The following TRIQK variants were observed in gnomAD, a reference collection of about 807,000 sequenced individuals.
TRIQK encodes the protein triple QxxK/R motif-containing protein.
A neutral mutation model predicts 10.8 loss-of-function variants in TRIQK; 10 were observed. The observed-to-expected ratio is 0.92, with a 90% CI of 0.57 to 1.57. The LOEUF is 1.57. TRIQK is among the 40% of genes most tolerant of loss of function. TRIQK has a pLI of 0.00. For missense variants in TRIQK, 107 were observed against 97.7 expected, an observed-to-expected ratio of 1.09 and a Z score of -0.40; for synonymous variants, 33 against 33.7, an observed-to-expected ratio of 0.98 and a Z score of 0.07.
intron 3 of TRIQK, among the ~76,000 whole-genome samples, chr8:92,892,404 G>A (rs1272778752): frequency 6.6e-6 from 1 of 151,904 alleles, no homozygotes. Context: ...AAGTAAATGA[G>A]TATATGTAAG....
At chr8:92,926,002 C>T (rs1472507338) in intron 2 of TRIQK, among the ~76,000 whole-genome samples, 2 of 151,956 alleles carry the variant, frequency 1.3e-5, no homozygotes, top group African/African-American at 2.4e-5. Context: ...ATGGTGTGAA[C>T]CCGGGAGGCA....
chr8:92,911,239 A>G (rs1469520337), intron 3 of TRIQK, among the ~76,000 whole-genome samples: 1 of 151,410 alleles, frequency 6.6e-6, no homozygotes, highest in East Asian at 1.9e-4. Flanking sequence ...AAAAAAACTA[A>G]TAATAGATAC....
upstream of TRIQK, among the ~76,000 whole-genome samples, chr8:92,967,566 A>C (rs1016761595): frequency 2.0e-5 from 3 of 152,128 alleles, no homozygotes; most frequent in Non-Finnish European, 4.4e-5. Flanking sequence ...TCATGCCTGT[A>C]ATCCCAGCAC....
At chr8:92,904,892 T>A (rs1809167535) in intron 3 of TRIQK, among the ~76,000 whole-genome samples, 1 of 152,102 alleles carries the variant, frequency 6.6e-6, no homozygotes. Context: ...TTTATGGAGG[T>A]CTGCATGTTG....
chr8:92,979,371 A>T (rs571880532), intron 1 of TRIQK, among the ~76,000 whole-genome samples: 1 of 152,198 alleles, frequency 6.6e-6, no homozygotes, highest in Non-Finnish European at 1.5e-5. Context: ...TTTCATATAT[A>T]TCCAATGTTT....
rs146704023 is a variant in TRIQK at position 93,000,355 on chromosome 8, T to C, written c.-181+17254A>G. Among the ~76,000 whole-genome samples the C allele has an allele frequency of 1.2e-4, 19 of 152,266 alleles. No homozygotes were observed. In the East Asian group the frequency reaches 3.7e-3, roughly 29 times the overall value. ...CATGGCCCGGGAGGCTTCACAATCA[T>C]GGCAGAAGGTGAAGAAAGATCAAAG... On this transcript the variant is annotated intron_variant, in intron 1 of 4. Coordinates refer to the TRIQK transcript ENST00000520686.
At chr8:92,980,852 C>A (rs1812979527) in intron 1 of TRIQK, among the ~76,000 whole-genome samples, 1 of 151,212 alleles carries the variant, frequency 6.6e-6, no homozygotes. Flanking sequence ...CTTTTGATTT[C>A]TGTTAAATAA....
At chr8:92,933,458 C>T (rs1006351050) in intron 2 of TRIQK, among the ~76,000 whole-genome samples, 9 of 152,010 alleles carry the variant, frequency 5.9e-5, no homozygotes, top group African/African-American at 1.7e-4. Flanking sequence ...AGGTCTATCA[C>T]CTTATTTTAC....
intron 1 of TRIQK, among the ~76,000 whole-genome samples, chr8:92,987,479 C>T (rs554293303): frequency 5.6e-4 from 85 of 152,244 alleles, no homozygotes; most frequent in African/African-American, 2.0e-3. Context: ...ACATGATAAG[C>T]ATTTGGGTTT....
chr8:92,984,123 T>C (rs1336242571), intron 1 of TRIQK, among the ~76,000 whole-genome samples: 1 of 152,116 alleles, frequency 6.6e-6, no homozygotes. Flanking sequence ...TAATGAAAGA[T>C]GGTTGAAAAT....
chr8:92,965,030 A>C (rs1812663329), intron 1 of TRIQK: 1 of 152,192 alleles, frequency 6.6e-6, no homozygotes, highest in African/African-American at 2.4e-5. Context: ...CTGAATCATT[A>C]GGAGACAGAG....
At chr8:92,983,397 A>T (rs1813004438) in intron 1 of TRIQK, among the ~76,000 whole-genome samples, 1 of 151,878 alleles carries the variant, frequency 6.6e-6, no homozygotes, top group Non-Finnish European at 1.5e-5. Flanking sequence ...TTTCCTGCTG[A>T]CTCCTCAGTA....
chr8:92,905,587 A>C (rs1809210644), intron 3 of TRIQK, among the ~76,000 whole-genome samples: 2 of 152,136 alleles, frequency 1.3e-5, no homozygotes, highest in Non-Finnish European at 2.9e-5. Flanking sequence ...CTTGTTTTTT[A>C]AACCTATAGT....
intron 1 of TRIQK, chr8:92,973,006 G>A (rs559407075): frequency 1.3e-5 from 2 of 152,188 alleles, no homozygotes; most frequent in Non-Finnish European, 2.9e-5. Flanking sequence ...GATCTCACTT[G>A]CACATAGAGT....
intron 2 of TRIQK, among the ~76,000 whole-genome samples, chr8:92,918,195 A>T (rs1809969261): frequency 6.6e-6 from 1 of 152,000 alleles, no homozygotes; most frequent in South Asian, 2.1e-4. Context: ...GAGAGTTCAG[A>T]TATGTCTTCC....
At chr8:92,997,800 G>A (rs1233005738) in intron 1 of TRIQK, among the ~76,000 whole-genome samples, 2 of 151,988 alleles carry the variant, frequency 1.3e-5, no homozygotes, top group Non-Finnish European at 2.9e-5. Context: ...ATTTAGTTCT[G>A]ACTTAACACC....
At chr8:92,987,018 A>G (rs565368399) in intron 1 of TRIQK, among the ~76,000 whole-genome samples, 1 of 152,340 alleles carries the variant, frequency 6.6e-6, no homozygotes, top group African/African-American at 2.4e-5. Context: ...AATAAATGAA[A>G]TGGTCAGCTA....
intron 1 of TRIQK, among the ~76,000 whole-genome samples, chr8:92,982,588 T>C (rs1301730467): frequency 1.3e-5 from 2 of 151,990 alleles, no homozygotes; most frequent in Non-Finnish European, 2.9e-5. Context: ...TCCTGGAACA[T>C]TGGCCAGATG....
At chr8:92,987,410 GAACTCT>G (rs1366913623) in intron 1 of TRIQK, among the ~76,000 whole-genome samples, 1 of 152,174 alleles carries the variant, frequency 6.6e-6, no homozygotes, top group Non-Finnish European at 1.5e-5. Flanking sequence ...CAGAGAATGG[GAACTCT>G]ACAGAGAGTT....
Sources: gnomAD v4.1 joint callset for allele counts (sites outside exome capture counted in the v4.1 genomes callset) on GRCh38, gnomAD v4.1.1 for gene constraint, MANE v1.5 for transcripts, NCBI Gene and HGNC (gene_info 2026-07-23, HGNC 2026-07-21) for gene names.